PTPRN2: variants seen among roughly 807,000 people sequenced by gnomAD.
PTPRN2 encodes receptor-type tyrosine-protein phosphatase N2.
PTPRN2 carries 74 observed loss-of-function variants against 118.8 expected under a neutral mutation model. The observed-to-expected ratio is 0.62, with a 90% confidence interval of 0.52 to 0.76. The LOEUF (loss-of-function observed/expected upper bound fraction) is 0.76. PTPRN2 is among the 30% of genes least tolerant of loss of function. The pLI is 0.00. For synonymous variants in PTPRN2, 641 were observed against 608.0 expected (o/e 1.05, Z -0.80); for missense variants, 1,481 against 1,394.4 (o/e 1.06, Z -0.99).
chr7:158,358,407 C>A (rs1808561193), intron 2 of PTPRN2, among the ~76,000 whole-genome samples: 1 of 152,242 alleles, frequency 6.6e-6, no homozygotes. Context: ...CAGAGACACA[C>A]TGAAAGCCCA....
At chr7:158,460,982 A>G (rs56218550) in intron 2 of PTPRN2, among the ~76,000 whole-genome samples, 15,634 of 152,272 alleles carry the variant, frequency 0.1, 899 homozygotes, top group African/African-American at 0.14. Flanking sequence ...AAAATCTTCT[A>G]GAGATGCAGA....
At chr7:158,471,202 G>T (rs1819826935) in intron 2 of PTPRN2, among the ~76,000 whole-genome samples, 1 of 152,172 alleles carries the variant, frequency 6.6e-6, no homozygotes, top group African/African-American at 2.4e-5. Context: ...CAGCACGAGA[G>T]GCCAGCACAA....
chr7:158,214,215 G>A (rs952628301), intron 3 of PTPRN2, among the ~76,000 whole-genome samples: 3 of 152,004 alleles, frequency 2.0e-5, no homozygotes, highest in East Asian at 1.9e-4. Flanking sequence ...GATGACATAC[G>A]TCTTCCCACT....
At chr7:158,148,963 CTTCAATGACACCCCAT>C (rs1820539754) in intron 6 of PTPRN2, among the ~76,000 whole-genome samples, 1 of 126,376 alleles carries the variant, frequency 7.9e-6, no homozygotes, top group Non-Finnish European at 1.7e-5. Flanking sequence ...TGTCTTTCCC[CTTCAATGACACCCCAT>C]CTCACGCCAC....
At chr7:158,384,237 G>A (rs1434509348) in intron 2 of PTPRN2, among the ~76,000 whole-genome samples, 1 of 152,148 alleles carries the variant, frequency 6.6e-6, no homozygotes, top group East Asian at 1.9e-4. Flanking sequence ...AGCTGGTAAG[G>A]GCCTGCATTG....
intron 17 of PTPRN2, among the ~76,000 whole-genome samples, chr7:157,592,812 C>T (rs1175579809): frequency 2.0e-5 from 3 of 146,378 alleles, no homozygotes; most frequent in South Asian, 2.2e-4. Context: ...GCGTGGATGC[C>T]GAGAGCCTTC....
chr7:158,422,884 G>A (rs1440566590), intron 2 of PTPRN2, among the ~76,000 whole-genome samples: 2 of 152,262 alleles, frequency 1.3e-5, no homozygotes, highest in Non-Finnish European at 2.9e-5. Context: ...AGTAGTTGGT[G>A]TGTAATTTGC....
chr7:158,041,568 G>C (rs7804203), intron 11 of PTPRN2, among the ~76,000 whole-genome samples: 194 of 152,232 alleles, frequency 1.3e-3, no homozygotes, highest in African/African-American at 4.5e-3. Flanking sequence ...AACCTGGGAG[G>C]CAGAGGTTGC....
At chr7:157,976,253 C>T (rs990986999) in intron 11 of PTPRN2, among the ~76,000 whole-genome samples, 2 of 152,204 alleles carry the variant, frequency 1.3e-5, no homozygotes, top group African/African-American at 2.4e-5. Context: ...AGGTGCTCGG[C>T]GATTCCCAGG....
chr7:157,950,749 C>T lies in PTPRN2; in HGVS notation c.1724-52012G>A, dbSNP rs143156332. Among the ~76,000 whole-genome samples the T allele has an allele frequency of 2.3e-4, 35 of 152,232 alleles. No individual in the cohort carries two copies. In the East Asian group the frequency reaches 3.9e-3, roughly 17 times the overall value. ...AAGCAAGGTCTGCGTGGAGTGAAAG[C>T]GCCTTCTTTCCATATCGGATGCTGG... On this transcript the variant is annotated intron_variant, in intron 11 of 22. Transcript: ENST00000389418.
Position 158,343,035 on chromosome 7 carries a change from GTGAA to G in PTPRN2, c.164-26107_164-26104del, listed in dbSNP as rs560394892. On this transcript the variant is annotated intron_variant, in intron 2 of 22. Coordinates refer to ENST00000389418, the MANE Select transcript of PTPRN2 (RefSeq NM_002847.5). ...TTGCACTCCAGCCTGGGCAACAAGA[GTGAA>G]ACTTCATCTCAAAAAGAAAGAATGT... is the stretch of plus-strand genomic sequence containing the variant. 3.3e-5 allele frequency among the ~76,000 whole-genome samples: 5 copies of G among 152,290 alleles called. No homozygotes were observed. In the South Asian group the frequency reaches 1.0e-3, roughly 32 times the overall value.
At chr7:158,363,733 G>A (rs1395004723) in intron 2 of PTPRN2, among the ~76,000 whole-genome samples, 2 of 152,190 alleles carry the variant, frequency 1.3e-5, no homozygotes, top group African/African-American at 2.4e-5. Context: ...AGGAGAGGTC[G>A]GGAGGGGGCG....
intron 1 of PTPRN2, among the ~76,000 whole-genome samples, chr7:158,506,488 A>G (rs971820267): frequency 6.6e-6 from 1 of 151,916 alleles, no homozygotes; most frequent in Non-Finnish European, 1.5e-5. Context: ...CGGGAGAGGA[A>G]CCCACCCAGG....
At chr7:158,478,901 C>A (rs1212513627) in intron 2 of PTPRN2, among the ~76,000 whole-genome samples, 1 of 152,124 alleles carries the variant, frequency 6.6e-6, no homozygotes, top group Non-Finnish European at 1.5e-5. Flanking sequence ...CAGTAACTTA[C>A]AGAAGCAGAG....
chr7:158,309,760 A>G (rs956368506), intron 3 of PTPRN2, among the ~76,000 whole-genome samples: 1 of 152,244 alleles, frequency 6.6e-6, no homozygotes, highest in Non-Finnish European at 1.5e-5. Context: ...AAACTAACCA[A>G]TGAGATACAC....
chr7:157,764,417 G>A lies in PTPRN2; in HGVS notation c.1789-81480C>T, dbSNP rs144296081. On this transcript the variant is annotated intron_variant, in intron 12 of 22. Transcript: ENST00000389418. The surrounding 1 kb of genome is among the most constrained non-coding windows in gnomAD (Gnocchi z 4.5). Reference sequence around the variant, plus strand: ...CAGCACTGAAAAGGCAGAGATTTTGGATGCAGGCTACAACATGGATGAACC... The same window carrying A: ...CAGCACTGAAAAGGCAGAGATTTTGAATGCAGGCTACAACATGGATGAACC... 6.6e-6 allele frequency among the ~76,000 whole-genome samples: 1 copy of A among 152,338 alleles called. No individual in the cohort carries two copies.
chr7:158,031,089 AC>A (rs1348734399), intron 11 of PTPRN2: 2 of 152,262 alleles, frequency 1.3e-5, no homozygotes, highest in South Asian at 2.1e-4. Flanking sequence ...AATTTGACAA[AC>A]CAGGGACAAG....
chr7:157,761,425 G>C (rs1166480734), intron 12 of PTPRN2, among the ~76,000 whole-genome samples: 1 of 150,876 alleles, frequency 6.6e-6, no homozygotes, highest in Non-Finnish European at 1.5e-5. Flanking sequence ...GAACAGAACA[G>C]AGCCCTCAGA....
chr7:158,002,542 G>T (rs374742888), intron 11 of PTPRN2, among the ~76,000 whole-genome samples: 1 of 152,130 alleles, frequency 6.6e-6, no homozygotes, highest in South Asian at 2.1e-4. Context: ...GCCAAATGCC[G>T]CAGGTGTGGA....
Sources: gnomAD v4.1 joint callset for allele counts (sites outside exome capture counted in the v4.1 genomes callset) on GRCh38, gnomAD v4.1.1 for gene constraint, Gnocchi (gnomAD v3.1) non-coding constraint, MANE v1.5 for transcripts, NCBI Gene and HGNC (gene_info 2026-07-23, HGNC 2026-07-21) for gene names.